MROH1: variants seen among roughly 807,000 people sequenced by gnomAD.
MROH1 encodes the protein maestro heat like repeat family member 1, also known as maestro heat-like repeat-containing protein family member 1.
A neutral mutation model predicts 116.5 loss-of-function variants in MROH1; 117 were observed. The observed-to-expected ratio is 1.00, with a 90% CI of 0.86 to 1.17. The LOEUF (loss-of-function observed/expected upper bound fraction) is 1.17, where lower values mean the gene tolerates loss of function less well. Among genes scored for constraint, MROH1 ranks in the 50% most tolerant of loss-of-function variants. The pLI is 0.00. For missense variants in MROH1, 1,873 were observed against 1,338.5 expected (o/e 1.40, Z -6.23); for synonymous variants, 921 against 583.9 (o/e 1.58, Z -8.32).
At chr8:144,214,923 G>T (rs1421595787) in intron 12 of MROH1, among the ~76,000 whole-genome samples, 1 of 152,220 alleles carries the variant, frequency 6.6e-6, no homozygotes, top group Non-Finnish European at 1.5e-5. Context: ...GGAGTCTGAT[G>T]TTGGAGGGCA....
At chr8:144,176,096 C>G (rs1034250519) in intron 4 of MROH1, among the ~76,000 whole-genome samples, 1 of 151,910 alleles carries the variant, frequency 6.6e-6, no homozygotes, top group African/African-American at 2.4e-5. Context: ...GGTGCAGCGG[C>G]TCATGCCTGT....
rs1421289462 is a variant in MROH1 at position 144,167,434 on chromosome 8, GGTGGAGTGGCCGGTTGTTGT to G, written c.23-859_23-840del. ...GTTGGGGTGGAGTGGCCGGTTGTTG[GGTGGAGTGGCCGGTTGTTGT>G]GGTGGAGTGGCCAGTTGGGGTGGAG... On this transcript the variant is annotated intron_variant, in intron 3 of 43. Transcript: ENST00000326134. Among the ~76,000 whole-genome samples, 13 of 133,684 alleles carry G rather than the reference GGTGGAGTGGCCGGTTGTTGT, an allele frequency of 9.7e-5. 1 individual carries two copies. Among genetic ancestry groups the G allele is most frequent in the African/African-American group, 3.9e-4 (11 of 28,566 alleles). The allele number at this position is 133,684 out of a possible 152,430, so 87.7% of individuals were successfully genotyped here. A position where few individuals can be genotyped will look rare whatever the true frequency, so the allele number is the denominator to read the frequency against.
At chr8:144,241,672 T>C (rs1841005164) in intron 22 of MROH1, among the ~76,000 whole-genome samples, 155 bp downstream of exon 22, 2 of 152,146 alleles carry the variant, frequency 1.3e-5, no homozygotes, top group South Asian at 4.2e-4. Context: ...GACCTGTGCG[T>C]GGGTGCTCCC....
intron 10 of MROH1, among the ~76,000 whole-genome samples, chr8:144,194,328 A>G (rs2131646165): frequency 6.6e-6 from 1 of 152,108 alleles, no homozygotes; most frequent in Non-Finnish European, 1.5e-5. Flanking sequence ...CTCCCAAAGT[A>G]TTGGGATTAC....
At chr8:144,207,235 C>T (rs1043879123) in intron 12 of MROH1, among the ~76,000 whole-genome samples, 3 of 151,296 alleles carry the variant, frequency 2.0e-5, no homozygotes, top group East Asian at 3.9e-4. Context: ...GTCACCAAGC[C>T]GGAGTGCAGT....
intron 12 of MROH1, among the ~76,000 whole-genome samples, chr8:144,218,038 G>A (rs1835661068): frequency 7.1e-6 from 1 of 139,902 alleles, no homozygotes; most frequent in African/African-American, 2.6e-5. Flanking sequence ...CTGCGTTAGT[G>A]GCCCAGGATC....
intron 4 of MROH1, among the ~76,000 whole-genome samples, chr8:144,170,986 C>G (rs965861941): frequency 6.6e-6 from 1 of 152,198 alleles, no homozygotes; most frequent in African/African-American, 2.4e-5. Context: ...GCTCTTACAC[C>G]ACGCAACAAT....
At chr8:144,154,665 CTTT>C (rs1224999167) in intron 1 of MROH1, among the ~76,000 whole-genome samples, 7 of 133,802 alleles carry the variant, frequency 5.2e-5, no homozygotes, top group Admixed American at 7.6e-5. Context: ...AATACTGCAT[CTTT>C]TTTTTTTTTT....
chr8:144,195,565 C>T (rs892544393), intron 10 of MROH1, among the ~76,000 whole-genome samples: 3 of 147,900 alleles, frequency 2.0e-5, no homozygotes, highest in Non-Finnish European at 3.0e-5. Context: ...TGGTCTCCAA[C>T]TCCTGGCTTC....
intron 11 of MROH1, 50 bp downstream of exon 11, chr8:144,199,250 G>C (rs750966290): frequency 1.3e-6 from 2 of 1,567,792 alleles, no homozygotes; most frequent in South Asian, 1.1e-5. Flanking sequence ...ACACTCACAG[G>C]GTCACTGCCT....
At chr8:144,246,657 G>A (rs944132755) in intron 29 of MROH1, among the ~76,000 whole-genome samples, 10 of 152,160 alleles carry the variant, frequency 6.6e-5, no homozygotes, top group African/African-American at 2.4e-4. Context: ...TGGCGCCCAA[G>A]TAGATACCAG....
chr8:144,155,557 A>C (rs1817824606), intron 1 of MROH1, among the ~76,000 whole-genome samples: 1 of 152,136 alleles, frequency 6.6e-6, no homozygotes, highest in African/African-American at 2.4e-5. Flanking sequence ...ACTGTGTATA[A>C]GTGAACCCAT....
At chr8:144,225,573 A>T (rs1245991812) in intron 14 of MROH1, among the ~76,000 whole-genome samples, 1 of 151,968 alleles carries the variant, frequency 6.6e-6, no homozygotes, top group Non-Finnish European at 1.5e-5. Context: ...TTTACTTGAG[A>T]TGGAGTCTCA....
chr8:144,261,829 CACACG>C lies in MROH1; in HGVS notation c.*92_*96del. The C allele has an allele frequency of 2.9e-6, 2 of 699,914 alleles. No homozygotes were observed. The highest frequency in any genetic ancestry group is 3.0e-5 in the South Asian group (2 of 67,286). The allele number at this position is 699,914 out of a possible 1,614,324, so 43.4% of individuals were successfully genotyped here. Reference sequence around the variant, plus strand: ...GGCCTCCTGAGGACCACAGCCTGGGCACACGACTGGAGGGGCCTGGCCCCAGAACA... The same window carrying C: ...GGCCTCCTGAGGACCACAGCCTGGGCACTGGAGGGGCCTGGCCCCAGAACA... On this transcript the variant is annotated 3_prime_UTR_variant, in exon 44 of 44. Transcript: ENST00000326134.
At chr8:144,199,868 G>T (rs1455008500) in intron 11 of MROH1, among the ~76,000 whole-genome samples, 2 of 152,334 alleles carry the variant, frequency 1.3e-5, no homozygotes, top group African/African-American at 4.8e-5. Context: ...CCAGGCTGGG[G>T]GCAGGGTTGT....
intron 12 of MROH1, among the ~76,000 whole-genome samples, chr8:144,216,478 AAAT>A (rs969665634): frequency 1.1e-4 from 17 of 152,154 alleles, no homozygotes; most frequent in Non-Finnish European, 1.8e-4. Context: ...CATCTCAAAA[AAAT>A]AATAAGAAGA....
chr8:144,188,523 A>AG (rs11438603), intron 7 of MROH1, among the ~76,000 whole-genome samples: 143,478 of 143,480 alleles, frequency 1, 71,738 homozygotes, highest in Non-Finnish European at 1. Context: ...GCTGGAGTGC[A>AG]TGGCGTGATC....
chr8:144,148,100 C>T (rs1250668800), intron 1 of MROH1, 24 bp downstream of exon 1: 1 of 152,302 alleles, frequency 6.6e-6, no homozygotes, highest in Non-Finnish European at 1.5e-5. Context: ...GGGGATGAGC[C>T]TTCGGCGGCG....
At chr8:144,173,118 T>C (rs79749587) in intron 4 of MROH1, among the ~76,000 whole-genome samples, 4 of 147,020 alleles carry the variant, frequency 2.7e-5, no homozygotes, top group African/African-American at 1.1e-4. Context: ...TTTTTTTTTT[T>C]CCTGAGGCAG....
Sources: gnomAD v4.1 joint callset for allele counts (sites outside exome capture counted in the v4.1 genomes callset) on GRCh38, gnomAD v4.1.1 for gene constraint, MANE v1.5 for transcripts, NCBI Gene and HGNC (gene_info 2026-07-23, HGNC 2026-07-21) for gene names.